Variants in PCDHGB2 observed in about 807,000 individuals in gnomAD.
PCDHGB2 encodes the protein protocadherin gamma-B2.
In PCDHGB2, 55 loss-of-function variants were observed where a neutral mutation model predicts 59.3. That is an observed-to-expected ratio of 0.93 (90% CI 0.75 to 1.16). PCDHGB2 has a LOEUF of 1.16. Ranked by LOEUF, PCDHGB2 falls within the 50% of genes most tolerant of loss-of-function variation. The pLI, the probability that PCDHGB2 is intolerant of heterozygous loss-of-function variation, is 0.00. For missense variants in PCDHGB2, 1,228 were observed against 1,198.5 expected (o/e 1.02, Z -0.36); for synonymous variants, 516 against 512.0 (o/e 1.01, Z -0.11).
chr5:141,407,949 C>T, intron 1 of PCDHGB2: 1 of 575,256 alleles, frequency 1.7e-6, no homozygotes, highest in Non-Finnish European at 2.8e-6. Context: ...CCGCTGTCGG[C>T]CAGTGCAGAG....
chr5:141,485,124 C>T lies in PCDHGB2; in HGVS notation c.2422-9683C>T. The T allele has an allele frequency of 7.2e-7, 1 of 1,390,146 alleles. No individual in the cohort carries two copies. The highest frequency in any genetic ancestry group is 1.0e-6 in the Non-Finnish European group (1 of 990,090). The allele number at this position is 1,390,146 out of a possible 1,614,324, so 86.1% of individuals were successfully genotyped here. ...GCTGCTGTGGCTGTTTGGGGCGGGT[C>T]GGCTTCATCCGCGTCTCAGGAGCAA... On this transcript the variant is annotated intron_variant, in intron 1 of 3. Coordinates refer to ENST00000522605, the MANE Select transcript of PCDHGB2 (RefSeq NM_018923.3). The surrounding 1 kb of genome is among the most constrained non-coding windows in gnomAD (Gnocchi z 5.7).
At chr5:141,449,000 T>G (rs1424736421) in intron 1 of PCDHGB2, among the ~76,000 whole-genome samples, 1 of 151,774 alleles carries the variant, frequency 6.6e-6, no homozygotes, top group African/African-American at 2.4e-5. Context: ...TAGAAAGCTG[T>G]TTTTTTTAAC....
chr5:141,394,588 T>C, intron 1 of PCDHGB2: 5 of 1,613,660 alleles, frequency 3.1e-6, no homozygotes, highest in Non-Finnish European at 4.2e-6. Flanking sequence ...ACCAAGGTGG[T>C]GGCGGTGGAC....
chr5:141,412,992 G>A (rs1367027301), intron 1 of PCDHGB2: 1 of 568,350 alleles, frequency 1.8e-6, no homozygotes, highest in Non-Finnish European at 3.0e-6. Flanking sequence ...AGCTCAATCC[G>A]GATTCTCAGG....
Position 141,422,925 on chromosome 5 carries a change from T to G in PCDHGB2, c.2421+60369T>G, listed in dbSNP as rs568894245. On this transcript the variant is annotated intron_variant, in intron 1 of 3. Transcript: ENST00000522605. ...ACAATGCGCCCGAGATCCTGTACCC[T>G]GCCCTCCCCACAGACGGCTCCACTG... 1.9e-6 allele frequency: 3 copies of G among 1,614,202 alleles called. No individual in the cohort carries two copies. The Admixed American group carries it at 5.0e-5, about 27-fold the overall frequency.
At position 141,476,639 on chromosome 5, in the gene PCDHGB2, A is replaced by G; in HGVS notation, c.2422-18168A>G. 1.2e-6 allele frequency: 2 copies of G among 1,614,206 alleles called. No individual in the cohort carries two copies. Among genetic ancestry groups the G allele is most frequent in the Non-Finnish European group, 1.7e-6 (2 of 1,180,038 alleles). On this transcript the variant is annotated intron_variant, in intron 1 of 3. Transcript: ENST00000522605. The surrounding 1 kb of genome is among the most constrained non-coding windows in gnomAD (Gnocchi z 7.6). ...CAACTCTTTACAAACCTATGAGCTG[A>G]GCCGAAATGAATACTTTGCGCTTCG...
At chr5:141,444,059 T>C (rs2098415588) in intron 1 of PCDHGB2, among the ~76,000 whole-genome samples, 1 of 150,620 alleles carries the variant, frequency 6.6e-6, no homozygotes, top group Admixed American at 6.6e-5. Flanking sequence ...ATCTTCAATC[T>C]AGATTCTGAT....
chr5:141,419,877 C>G (rs1272137716), intron 1 of PCDHGB2: 24 of 1,614,062 alleles, frequency 1.5e-5, no homozygotes, highest in Non-Finnish European at 1.9e-5. Flanking sequence ...GAGGTACTGC[C>G]GGATTTCAGC....
In PCDHGB2 at chr5:141,464,280, A is replaced by C. The variant is rs934753450; in HGVS notation, c.2422-30527A>C. Among the ~76,000 whole-genome samples, 148 of 75,930 alleles carry C rather than the reference A, an allele frequency of 1.9e-3. 1 individual carries two copies. Among genetic ancestry groups the C allele is most frequent in the African/African-American group, 0.011 (146 of 12,968 alleles). 49.8% of individuals were successfully genotyped at this position (75,930 alleles called of 152,430 possible). Reference sequence around the variant, plus strand: ...ACTCCGTCTAAAAAAAAAAAAAAGCAAAAAAAAAAACTCCATTGTATGTGC... The same window carrying C: ...ACTCCGTCTAAAAAAAAAAAAAAGCCAAAAAAAAAACTCCATTGTATGTGC... On this transcript the variant is annotated intron_variant, in intron 1 of 3. Transcript: ENST00000522605.
intron 2 of PCDHGB2, among the ~76,000 whole-genome samples, chr5:141,504,143 C>A (rs2099835975): frequency 6.6e-6 from 1 of 152,136 alleles, no homozygotes; most frequent in Non-Finnish European, 1.5e-5. Flanking sequence ...CACTCCCCTG[C>A]AAATTGAAAT....
At chr5:141,426,810 C>T (rs769435523) in intron 1 of PCDHGB2, 4 of 456,568 alleles carry the variant, frequency 8.8e-6, no homozygotes, top group Non-Finnish European at 1.8e-5. Flanking sequence ...TTCTAATGAA[C>T]ATTTCTCTCT....
At chr5:141,395,423 C>A in intron 1 of PCDHGB2, 1 of 731,386 alleles carries the variant, frequency 1.4e-6, no homozygotes, top group Non-Finnish European at 2.1e-6. Context: ...GTTTCATTTG[C>A]TTTTAAACGA....
chr5:141,496,021 G>C lies in PCDHGB2; in HGVS notation c.2480+1156G>C, dbSNP rs1011612662. Among the ~76,000 whole-genome samples, 3 of 151,454 alleles carry C rather than the reference G, an allele frequency of 2.0e-5. No individual in the cohort carries two copies. The East Asian group carries it at 5.8e-4, about 29-fold the overall frequency. ...CTTTTATCTTGTCTTTTTTCTCTGA[G>C]CCTCTGTCTCTGTCTCTCATTTTTT... On this transcript the variant is annotated intron_variant, in intron 2 of 3. Coordinates refer to ENST00000522605, the MANE Select transcript of PCDHGB2 (RefSeq NM_018923.3).
chr5:141,369,714 T>G (rs565396016), intron 1 of PCDHGB2, among the ~76,000 whole-genome samples: 2 of 152,150 alleles, frequency 1.3e-5, no homozygotes, highest in Non-Finnish European at 2.9e-5. Flanking sequence ...CATTATAACT[T>G]TTAGAAGTTA....
chr5:141,494,675 C>A, intron 1 of PCDHGB2, 132 bp from the exon 2 acceptor site: 2 of 1,548,574 alleles, frequency 1.3e-6, no homozygotes, highest in South Asian at 1.2e-5. Flanking sequence ...TGAGTCCACC[C>A]CTGCCCCCTC....
chr5:141,486,505 T>C lies in PCDHGB2; in HGVS notation c.2422-8302T>C. The C allele has an allele frequency of 6.2e-7, 1 of 1,614,156 alleles. No individual in the cohort carries two copies. ...GTACCCACAGAACTATTTTCCTCAA[T>C]ATTTCAGATGTGAATGATAATCCAC... is the stretch of plus-strand genomic sequence containing the variant. On this transcript the variant is annotated intron_variant, in intron 1 of 3. Coordinates refer to ENST00000522605, the MANE Select transcript of PCDHGB2 (RefSeq NM_018923.3). The surrounding 1 kb of genome is among the most constrained non-coding windows in gnomAD (Gnocchi z 5.0).
chr5:141,473,245 C>T (rs2099317733), intron 1 of PCDHGB2, among the ~76,000 whole-genome samples: 1 of 152,134 alleles, frequency 6.6e-6, no homozygotes, highest in African/African-American at 2.4e-5. Context: ...CAAGTGAATA[C>T]ATATATAGTC....
chr5:141,375,971 C>G (rs1412854322), intron 1 of PCDHGB2: 1 of 1,613,374 alleles, frequency 6.2e-7, no homozygotes, highest in Non-Finnish European at 8.5e-7. Context: ...GCGCACGGCG[C>G]GCGCCCTGCT....
intron 1 of PCDHGB2, chr5:141,374,176 C>A: frequency 6.2e-7 from 1 of 1,613,572 alleles, no homozygotes. Context: ...CAGCGCAGAT[C>A]CGCTACTCTA....
Sources: gnomAD v4.1 joint callset for allele counts (sites outside exome capture counted in the v4.1 genomes callset) on GRCh38, gnomAD v4.1.1 for gene constraint, Gnocchi (gnomAD v3.1) non-coding constraint, MANE v1.5 for transcripts, NCBI Gene and HGNC (gene_info 2026-07-23, HGNC 2026-07-21) for gene names.